Variants in EPN2 observed in about 807,000 individuals in gnomAD.
The protein encoded by EPN2 is epsin-2.
Under a neutral mutation model 61.7 loss-of-function variants are expected in EPN2, and 34 were observed. That is an observed-to-expected ratio of 0.55 (90% CI 0.42 to 0.73). The LOEUF (loss-of-function observed/expected upper bound fraction) is 0.73. EPN2 is among the 30% of genes least tolerant of loss of function. The pLI is 0.00. For missense variants in EPN2, 714 were observed against 839.2 expected (o/e 0.85, Z 1.84); for synonymous variants, 349 against 353.6 (o/e 0.99, Z 0.15).
chr17:19,255,599 C>A (rs1282703188), intron 1 of EPN2, among the ~76,000 whole-genome samples: 1 of 145,180 alleles, frequency 6.9e-6, no homozygotes, highest in Non-Finnish European at 1.5e-5. Context: ...CAGTGCTTGG[C>A]CCCCATCCCT....
At chr17:19,304,633 A>G (rs1905732057) in intron 4 of EPN2, among the ~76,000 whole-genome samples, 2 of 152,298 alleles carry the variant, frequency 1.3e-5, no homozygotes, top group African/African-American at 2.4e-5. Flanking sequence ...GGAAGAGCCA[A>G]CTGCATCCCA....
intron 6 of EPN2, 76 bp from the exon 7 acceptor site, chr17:19,313,029 T>C: frequency 6.8e-7 from 1 of 1,473,822 alleles, no homozygotes; most frequent in Non-Finnish European, 9.3e-7. Context: ...AGGTGGGTGA[T>C]ATTTATGGCT....
intron 9 of EPN2, among the ~76,000 whole-genome samples, chr17:19,330,142 T>C (rs1449285198): frequency 6.6e-6 from 1 of 152,114 alleles, no homozygotes; most frequent in Non-Finnish European, 1.5e-5. Context: ...GGATATCAGG[T>C]GGATGCAGTG....
At chr17:19,289,839 C>T (rs1393947798) in intron 4 of EPN2, among the ~76,000 whole-genome samples, 2 of 148,816 alleles carry the variant, frequency 1.3e-5, no homozygotes, top group African/African-American at 4.9e-5. Context: ...GCTATTCTTC[C>T]TCAGCCATCT....
At chr17:19,238,277 G>C (rs2044841500) in intron 1 of EPN2, among the ~76,000 whole-genome samples, 1 of 152,240 alleles carries the variant, frequency 6.6e-6, no homozygotes, top group Non-Finnish European at 1.5e-5. Context: ...GCCTCTTCCA[G>C]GAGAGACTTC....
intron 4 of EPN2, among the ~76,000 whole-genome samples, chr17:19,287,815 A>G (rs2045420672): frequency 6.6e-6 from 1 of 152,174 alleles, no homozygotes; most frequent in Non-Finnish European, 1.5e-5. Context: ...GACTGGCGAT[A>G]ATCATGAGGA....
Position 19,334,000 on chromosome 17 carries a change from C to T in EPN2, c.1672C>T (p.Gln558Ter). 1 of 1,586,478 alleles carries T rather than the reference C, an allele frequency of 6.3e-7. No individual in the cohort carries two copies. ...CCCTGTTAACCCTTTCCAGGTGAAC[C>T]AGCCCCAGCCGCTGACACTGAACCA... ...SAPVNPFQVN[Q>*]PQPLTLNQLR... The change falls in exon 11 of 11, where the codon CAG (glutamine) becomes TAG (stop). Residue 558 changes from glutamine to a stop codon, truncating the protein, a stop_gained. Coordinates refer to ENST00000314728, the MANE Select transcript of EPN2 (RefSeq NM_014964.5). LOFTEE classifies it high-confidence loss of function.
chr17:19,250,168 C>G (rs900740737), intron 1 of EPN2, among the ~76,000 whole-genome samples: 2 of 152,024 alleles, frequency 1.3e-5, no homozygotes, highest in Admixed American at 6.6e-5. Context: ...TATCTCGGCG[C>G]ACTGCAACCT....
chr17:19,287,799 T>C (rs1204415744), intron 4 of EPN2, among the ~76,000 whole-genome samples: 1 of 152,206 alleles, frequency 6.6e-6, no homozygotes, highest in Non-Finnish European at 1.5e-5. Flanking sequence ...GGAAGGCCTC[T>C]TGTGTGACTG....
intron 4 of EPN2, chr17:19,306,354 C>T (rs1056312951): frequency 2.6e-5 from 4 of 152,270 alleles, no homozygotes; most frequent in Non-Finnish European, 5.9e-5. Context: ...AATCCTCCCT[C>T]GAAGCTCAGT....
rs1446107677 is a variant in EPN2, at chr17:19,336,242, G to A, written c.*1988G>A. 3.3e-5 allele frequency: 5 copies of A among 152,276 alleles called. No homozygotes were observed. Among genetic ancestry groups the A allele is most frequent in the Admixed American group, 2.0e-4 (3 of 15,278 alleles). 9.4% of individuals were successfully genotyped at this position (152,276 alleles called of 1,614,324 possible). On this transcript the variant is annotated 3_prime_UTR_variant, in exon 11 of 11. Coordinates refer to ENST00000314728, the MANE Select transcript of EPN2 (RefSeq NM_014964.5). Reference sequence around the variant, plus strand: ...TTTGGGTAAGCCGGTGGCTGGTCTCGTCTGCCGGGGGAAGGGTGGGGAGGT... The same window carrying A: ...TTTGGGTAAGCCGGTGGCTGGTCTCATCTGCCGGGGGAAGGGTGGGGAGGT...
At chr17:19,326,198 C>T (rs1906858764) in intron 7 of EPN2, among the ~76,000 whole-genome samples, 1 of 152,128 alleles carries the variant, frequency 6.6e-6, no homozygotes, top group Non-Finnish European at 1.5e-5. Flanking sequence ...CCAAATTGAT[C>T]TTGGATGCAA....
At chr17:19,327,408 A>C (rs984519801) in intron 7 of EPN2, among the ~76,000 whole-genome samples, 1 of 152,188 alleles carries the variant, frequency 6.6e-6, no homozygotes, top group Non-Finnish European at 1.5e-5. Context: ...ATGGTGGCTC[A>C]CACCTGTATT....
chr17:19,279,177 T>C (rs1485093525), intron 1 of EPN2, among the ~76,000 whole-genome samples: 1 of 152,212 alleles, frequency 6.6e-6, no homozygotes, highest in East Asian at 1.9e-4. Flanking sequence ...CAACAGCCCC[T>C]GTTTCTTAAT....
chr17:19,263,541 G>A (rs1262348103), intron 1 of EPN2, among the ~76,000 whole-genome samples: 2 of 152,234 alleles, frequency 1.3e-5, no homozygotes, highest in African/African-American at 4.8e-5. Flanking sequence ...TAGAATGGAG[G>A]TTTAGGATTG....
At chr17:19,248,690 T>C (rs1039339017) in intron 1 of EPN2, among the ~76,000 whole-genome samples, 44 of 152,206 alleles carry the variant, frequency 2.9e-4, no homozygotes, top group Admixed American at 6.5e-5. Context: ...TGAGCACATA[T>C]GTATTATGTG....
intron 1 of EPN2, chr17:19,249,455 A>G (rs1224500301): frequency 2.0e-5 from 3 of 152,216 alleles, no homozygotes; most frequent in African/African-American, 4.8e-5. Context: ...TCTCTTGGGA[A>G]TAGAACTCCT....
At chr17:19,238,654 A>G (rs1328106692) in intron 1 of EPN2, among the ~76,000 whole-genome samples, 1 of 152,216 alleles carries the variant, frequency 6.6e-6, no homozygotes, top group Non-Finnish European at 1.5e-5. Flanking sequence ...GTCAGTGCAG[A>G]ACTAGAAGCT....
intron 4 of EPN2, among the ~76,000 whole-genome samples, chr17:19,298,790 T>C (rs1462542600): frequency 6.6e-6 from 1 of 152,238 alleles, no homozygotes; most frequent in Non-Finnish European, 1.5e-5. Flanking sequence ...ACGTTACATA[T>C]GCTAATAATG....
Sources: gnomAD v4.1 joint callset for allele counts (sites outside exome capture counted in the v4.1 genomes callset) on GRCh38, gnomAD v4.1.1 for gene constraint, MANE v1.5 for transcripts, NCBI Gene and HGNC (gene_info 2026-07-23, HGNC 2026-07-21) for gene names.